Variants in GABBR2 observed in about 807,000 individuals in gnomAD.
GABBR2 encodes the protein gamma-aminobutyric acid type B receptor subunit 2, also known as G-protein coupled receptor 51.
A neutral mutation model predicts 105.6 loss-of-function variants in GABBR2; 23 were observed. The ratio of observed to expected loss-of-function variants is 0.22; its 90% CI spans 0.16 to 0.31. The LOEUF (loss-of-function observed/expected upper bound fraction) is 0.31. Ranked by LOEUF, GABBR2 falls within the 10% of genes least tolerant of loss-of-function variation. GABBR2 has a pLI of 1.00. For synonymous variants in GABBR2, 478 were observed against 499.7 expected (o/e 0.96, Z 0.58); for missense variants, 734 against 1,245.5 (o/e 0.59, Z 6.18).
At chr9:98,631,301 G>C (rs183732323) in intron 1 of GABBR2, among the ~76,000 whole-genome samples, 1 of 152,242 alleles carries the variant, frequency 6.6e-6, no homozygotes, top group East Asian at 1.9e-4. Context: ...GTGTGACCCT[G>C]GAAAAGATAA....
At chr9:98,520,811 T>G (rs1409269268) in intron 3 of GABBR2, among the ~76,000 whole-genome samples, 1 of 152,212 alleles carries the variant, frequency 6.6e-6, no homozygotes, top group East Asian at 1.9e-4. Flanking sequence ...GATGAGTCCC[T>G]GGCAAGGGAC....
intron 1 of GABBR2, among the ~76,000 whole-genome samples, chr9:98,676,139 A>G (rs1025375487): frequency 7.2e-5 from 11 of 152,252 alleles, no homozygotes; most frequent in Admixed American, 5.2e-4. Flanking sequence ...TATACGTGGG[A>G]GGCTAGAAAT....
At chr9:98,543,409 G>C (rs575663784) in intron 2 of GABBR2, among the ~76,000 whole-genome samples, 1 of 151,910 alleles carries the variant, frequency 6.6e-6, no homozygotes, top group East Asian at 1.9e-4. Flanking sequence ...CTGTTGCCCA[G>C]ACTGGAGTAC....
intron 1 of GABBR2, among the ~76,000 whole-genome samples, chr9:98,600,813 C>T (rs750547823): frequency 1.6e-4 from 25 of 152,196 alleles, no homozygotes; most frequent in Non-Finnish European, 3.4e-4. Context: ...TGCACCGCAC[C>T]GCCACATGCG....
rs941883854 is a variant in GABBR2, at chr9:98,657,724, C to T, written c.321+50693G>A. On this transcript the variant is annotated intron_variant, in intron 1 of 18. Transcript: ENST00000259455. ...CCCCCAAATCTGCATATGGCAAGAG[C>T]GGGACCAGGTGGAGGTAACTGGATC... Among the ~76,000 whole-genome samples the T allele has an allele frequency of 6.6e-5, 10 of 152,240 alleles. No individual in the cohort carries two copies. The East Asian group carries it at 7.7e-4, about 12-fold the overall frequency.
intron 14 of GABBR2, 75 bp downstream of exon 14, chr9:98,311,020 G>T: frequency 1.3e-6 from 1 of 796,522 alleles, no homozygotes; most frequent in South Asian, 1.5e-5. Flanking sequence ...TTTTTACATT[G>T]ATGGAGGCCC....
chr9:98,567,330 G>A (rs1391160006), intron 2 of GABBR2, among the ~76,000 whole-genome samples: 1 of 152,202 alleles, frequency 6.6e-6, no homozygotes, highest in African/African-American at 2.4e-5. Context: ...TGTCCTTGCA[G>A]GAATAGATTG....
At chr9:98,638,570 C>T (rs914481936) in intron 1 of GABBR2, among the ~76,000 whole-genome samples, 1 of 152,098 alleles carries the variant, frequency 6.6e-6, no homozygotes, top group Admixed American at 6.5e-5. Flanking sequence ...TACAAAAACC[C>T]ACCAAGAGTT....
intron 3 of GABBR2, among the ~76,000 whole-genome samples, chr9:98,511,738 C>G (rs1357533388): frequency 1.3e-5 from 2 of 152,188 alleles, no homozygotes; most frequent in Admixed American, 6.5e-5. Flanking sequence ...AGACCAATAA[C>G]AGGCTCTGAA....
At chr9:98,630,354 G>T (rs1452657753) in intron 1 of GABBR2, among the ~76,000 whole-genome samples, 1 of 152,212 alleles carries the variant, frequency 6.6e-6, no homozygotes. Flanking sequence ...AATGAGAGAT[G>T]AGGTTGGCAG....
intron 7 of GABBR2, among the ~76,000 whole-genome samples, chr9:98,429,218 C>A (rs1588155976): frequency 6.6e-6 from 1 of 151,814 alleles, no homozygotes; most frequent in Non-Finnish European, 1.5e-5. Flanking sequence ...CGGCTCACTG[C>A]AACCTCCACC....
chr9:98,512,524 A>C (rs1315121354), intron 3 of GABBR2, among the ~76,000 whole-genome samples: 4 of 152,238 alleles, frequency 2.6e-5, no homozygotes, highest in Non-Finnish European at 5.9e-5. Flanking sequence ...GTCTCAGCCC[A>C]AAATCTCAAG....
At chr9:98,367,395 G>T (rs1330710044) in intron 12 of GABBR2, among the ~76,000 whole-genome samples, 3 of 151,918 alleles carry the variant, frequency 2.0e-5, no homozygotes, top group Non-Finnish European at 4.4e-5. Flanking sequence ...ATATTGTATG[G>T]TTTAACTTAT....
intron 15 of GABBR2, among the ~76,000 whole-genome samples, chr9:98,305,914 T>C (rs778173431): frequency 2.6e-5 from 4 of 151,824 alleles, no homozygotes; most frequent in Non-Finnish European, 4.4e-5. Context: ...TGACCAGTGA[T>C]GATTTTTGGG....
intron 1 of GABBR2, among the ~76,000 whole-genome samples, chr9:98,597,852 C>T (rs769701258): frequency 1.6e-4 from 24 of 152,092 alleles, no homozygotes. Context: ...CAGAGTCTCA[C>T]TCTGTCTCCC....
chr9:98,524,788 C>CT (rs1166070914), intron 3 of GABBR2, among the ~76,000 whole-genome samples: 1 of 151,936 alleles, frequency 6.6e-6, no homozygotes, highest in Non-Finnish European at 1.5e-5. Context: ...AAAAGCACCA[C>CT]TTTTAAAAAC....
At chr9:98,343,717 G>C (rs1037858069) in intron 13 of GABBR2, among the ~76,000 whole-genome samples, 1 of 152,082 alleles carries the variant, frequency 6.6e-6, no homozygotes, top group East Asian at 1.9e-4. Flanking sequence ...AATTAGCCGG[G>C]TATGGTGGCG....
intron 1 of GABBR2, among the ~76,000 whole-genome samples, chr9:98,596,110 C>A (rs1309215734): frequency 6.6e-6 from 1 of 152,254 alleles, no homozygotes; most frequent in Non-Finnish European, 1.5e-5. Context: ...AAGGGTCTGG[C>A]TTGAGCCAGG....
At chr9:98,308,646 C>G (rs1377807362) in intron 14 of GABBR2, among the ~76,000 whole-genome samples, 3 of 152,084 alleles carry the variant, frequency 2.0e-5, no homozygotes, top group Non-Finnish European at 2.9e-5. Flanking sequence ...CATGTGGAGA[C>G]AGAGGCAGAA....
Sources: gnomAD v4.1 joint callset for allele counts (sites outside exome capture counted in the v4.1 genomes callset) on GRCh38, gnomAD v4.1.1 for gene constraint, MANE v1.5 for transcripts, NCBI Gene and HGNC (gene_info 2026-07-23, HGNC 2026-07-21) for gene names.